The following GRIA4 variants were observed in gnomAD, a reference collection of about 807,000 sequenced individuals.
The protein encoded by GRIA4 is glutamate ionotropic receptor AMPA type subunit 4.
A neutral mutation model predicts 104.0 loss-of-function variants in GRIA4; 34 were observed. The ratio of observed to expected loss-of-function variants is 0.33; its 90% CI spans 0.25 to 0.44. The LOEUF (loss-of-function observed/expected upper bound fraction) is 0.44. GRIA4 is among the 20% of genes least tolerant of loss of function. GRIA4 has a pLI of 1.00. For synonymous variants in GRIA4, 386 were observed against 381.9 expected (o/e 1.01, Z -0.13); for missense variants, 750 against 1,096.5 (o/e 0.68, Z 4.46).
intron 10 of GRIA4, chr11:105,911,839 G>T: frequency 9.6e-7 from 1 of 1,045,128 alleles, no homozygotes; most frequent in Admixed American, 2.9e-5. Flanking sequence ...ACACAGTAAT[G>T]GAAAGTCATA....
chr11:105,832,204 C>A (rs560071454), intron 4 of GRIA4, among the ~76,000 whole-genome samples: 1 of 151,942 alleles, frequency 6.6e-6, no homozygotes, highest in Non-Finnish European at 1.5e-5. Context: ...CAGAAAGCCA[C>A]AGCAACTTGA....
Position 105,753,180 on chromosome 11 carries a change from C to T in GRIA4, c.447C>T (p.Tyr149=), listed in dbSNP as rs146471234. The T allele has an allele frequency of 3.7e-5, 59 of 1,613,532 alleles. No individual in the cohort carries two copies. The highest frequency in any genetic ancestry group is 1.7e-4 in the Middle Eastern group (1 of 6,060). The change falls in exon 4 of 17, where the codon TAC becomes TAT. Residue 149 remains tyrosine, a synonymous_variant. Coordinates refer to ENST00000282499, the MANE Select transcript of GRIA4 (RefSeq NM_000829.4). ...CACTCTTGAGTTTGCTGGATCACTA[C>T]GAATGGAACTGTTTTGTCTTCCTGT... is the stretch of plus-strand genomic sequence containing the variant. ...RGALLSLLDH[Y]EWNCFVFLYD...
intron 10 of GRIA4, chr11:105,911,775 A>AATATAGATATATAT (rs1947246119): frequency 1.4e-5 from 1 of 72,974 alleles, no homozygotes; most frequent in African/African-American, 6.9e-5. Context: ...CTTGAAAAGC[A>AATATAGATATATAT]ATATATATAT....
intron 4 of GRIA4, among the ~76,000 whole-genome samples, chr11:105,757,189 G>C (rs532584860): frequency 2.6e-5 from 4 of 152,262 alleles, no homozygotes; most frequent in Non-Finnish European, 1.5e-5. Flanking sequence ...AGAAAGTGGA[G>C]AAATGAACTG....
intron 3 of GRIA4, among the ~76,000 whole-genome samples, chr11:105,703,326 G>A (rs1953572136): frequency 6.6e-6 from 1 of 152,134 alleles, no homozygotes; most frequent in Non-Finnish European, 1.5e-5. Flanking sequence ...GCAGAACTGA[G>A]TACAGCAGGG....
intron 13 of GRIA4, among the ~76,000 whole-genome samples, chr11:105,932,910 T>C (rs1055159829): frequency 6.6e-6 from 1 of 151,998 alleles, no homozygotes; most frequent in Non-Finnish European, 1.5e-5. Context: ...ACTAGAATCA[T>C]GTACACTAAA....
chr11:105,861,237 T>C (rs1945213674), intron 4 of GRIA4, among the ~76,000 whole-genome samples: 1 of 152,134 alleles, frequency 6.6e-6, no homozygotes, highest in African/African-American at 2.4e-5. Flanking sequence ...TTCTCAACCT[T>C]CAAGACCCAA....
intron 3 of GRIA4, among the ~76,000 whole-genome samples, chr11:105,696,624 A>C (rs2135510044): frequency 6.6e-6 from 1 of 152,306 alleles, no homozygotes; most frequent in South Asian, 2.1e-4. Context: ...CATTTGCTAG[A>C]TACCATTTCT....
At chr11:105,804,183 A>C (rs918675802) in intron 4 of GRIA4, among the ~76,000 whole-genome samples, 31 of 151,972 alleles carry the variant, frequency 2.0e-4, no homozygotes, top group Admixed American at 2.6e-4. Flanking sequence ...ATAGATTTAC[A>C]TGATATGACA....
intron 3 of GRIA4, among the ~76,000 whole-genome samples, chr11:105,752,346 C>T (rs1160465825): frequency 7.9e-5 from 12 of 152,118 alleles, no homozygotes. Flanking sequence ...TTCATTAAGC[C>T]TCTCAGATAT....
intron 4 of GRIA4, among the ~76,000 whole-genome samples, chr11:105,859,858 A>G (rs1191925850): frequency 6.6e-6 from 1 of 152,190 alleles, no homozygotes; most frequent in African/African-American, 2.4e-5. Flanking sequence ...AGGTGTCAAA[A>G]AAAGATTTAA....
chr11:105,880,654 G>T (rs1946018001), intron 5 of GRIA4, among the ~76,000 whole-genome samples: 1 of 152,082 alleles, frequency 6.6e-6, no homozygotes, highest in African/African-American at 2.4e-5. Context: ...ACTAAGAATG[G>T]ATATTCACAA....
At chr11:105,681,750 G>T (rs1362677078) in intron 3 of GRIA4, among the ~76,000 whole-genome samples, 1 of 152,100 alleles carries the variant, frequency 6.6e-6, no homozygotes, top group Non-Finnish European at 1.5e-5. Context: ...TAAAATATTT[G>T]ATTAAAAACA....
In GRIA4 at chr11:105,887,505, T is replaced by C; in HGVS notation, c.673-14T>C. 8.3e-7 allele frequency: 1 copy of C among 1,205,682 alleles called. No homozygotes were observed. The highest frequency in any genetic ancestry group is 1.5e-5 in the African/African-American group (1 of 65,442). The allele number at this position is 1,205,682 out of a possible 1,614,324, so 74.7% of individuals were successfully genotyped here. A position where few individuals can be genotyped will look rare whatever the true frequency, so the allele number is the denominator to read the frequency against. The stretch of plus-strand genomic sequence containing the variant: ...TTAAAATTGATTTTCTCTTATTTGC[T>C]TATATCTTCACAGATTGTAAGTGTT... On this transcript the variant is annotated splice_polypyrimidine_tract_variant and intron_variant, in intron 5 of 16. Coordinates refer to ENST00000282499, the MANE Select transcript of GRIA4 (RefSeq NM_000829.4).
intron 3 of GRIA4, among the ~76,000 whole-genome samples, chr11:105,750,726 G>T (rs1276823934): frequency 6.6e-6 from 1 of 152,120 alleles, no homozygotes; most frequent in Non-Finnish European, 1.5e-5. Flanking sequence ...TTTTGAACTT[G>T]AGCAGTGTAG....
chr11:105,653,201 G>A (rs867777447), intron 3 of GRIA4, among the ~76,000 whole-genome samples: 10 of 152,148 alleles, frequency 6.6e-5, no homozygotes, highest in East Asian at 1.9e-4. Context: ...GTCAGCCACC[G>A]CACCCGGCCT....
intron 4 of GRIA4, among the ~76,000 whole-genome samples, chr11:105,795,125 T>A (rs533300467): frequency 1.3e-5 from 2 of 152,174 alleles, no homozygotes; most frequent in Non-Finnish European, 2.9e-5. Flanking sequence ...GTGCGCTGCA[T>A]AACTGGTTAC....
intron 4 of GRIA4, among the ~76,000 whole-genome samples, chr11:105,858,583 C>T (rs1945103462): frequency 6.6e-6 from 1 of 152,084 alleles, no homozygotes. Flanking sequence ...CCCTGTTGTG[C>T]TATCAAAGAC....
chr11:105,734,561 T>G (rs1938812777), intron 3 of GRIA4, among the ~76,000 whole-genome samples: 1 of 152,094 alleles, frequency 6.6e-6, no homozygotes. Context: ...TGGCTTCCCA[T>G]CTTCCTTAGG....
Sources: gnomAD v4.1 joint callset for allele counts (sites outside exome capture counted in the v4.1 genomes callset) on GRCh38, gnomAD v4.1.1 for gene constraint, MANE v1.5 for transcripts, NCBI Gene and HGNC (gene_info 2026-07-23, HGNC 2026-07-21) for gene names.